CA10: variants seen among roughly 807,000 people sequenced by gnomAD.
CA10 encodes carbonic anhydrase 10 (inactive).
CA10 carries 14 observed loss-of-function variants against 44.2 expected under a neutral mutation model. The observed-to-expected ratio is 0.32, with a 90% CI of 0.21 to 0.50. The LOEUF (loss-of-function observed/expected upper bound fraction) is 0.50, where lower values mean the gene tolerates loss of function less well. Among genes scored for constraint, CA10 ranks in the 20% least tolerant of loss-of-function variants. The probability of loss-of-function intolerance (pLI) is 0.99; values close to 1 mark genes in which losing one functional copy is unlikely to be tolerated. For synonymous variants in CA10, 159 were observed against 141.6 expected (o/e 1.12, Z -0.87); for missense variants, 350 against 409.7 (o/e 0.85, Z 1.26).
At chr17:51,672,599 T>C (rs1914469111) in intron 4 of CA10, among the ~76,000 whole-genome samples, 1 of 152,156 alleles carries the variant, frequency 6.6e-6, no homozygotes, top group Non-Finnish European at 1.5e-5. Context: ...TCTAATAAGT[T>C]GAAGAGCTAG....
At chr17:52,092,475 C>T (rs946663644) in intron 1 of CA10, among the ~76,000 whole-genome samples, 3 of 152,086 alleles carry the variant, frequency 2.0e-5, no homozygotes, top group Non-Finnish European at 4.4e-5. Context: ...CCCGTGGACC[C>T]CGGAGTAACA....
chr17:51,720,875 T>C (rs1476283993), intron 4 of CA10, among the ~76,000 whole-genome samples: 2 of 152,198 alleles, frequency 1.3e-5, no homozygotes, highest in Non-Finnish European at 2.9e-5. Context: ...ATGTATACTT[T>C]AAAATTGCTA....
chr17:51,960,882 A>C (rs1023169773), intron 2 of CA10, among the ~76,000 whole-genome samples: 8 of 152,340 alleles, frequency 5.3e-5, no homozygotes, highest in Admixed American at 5.2e-4. Context: ...GCTAAGAGGT[A>C]GTCCTTGTTA....
intron 3 of CA10, among the ~76,000 whole-genome samples, chr17:51,927,264 G>T (rs1331882260): frequency 1.3e-5 from 2 of 152,098 alleles, no homozygotes; most frequent in Non-Finnish European, 2.9e-5. Context: ...ATAAGCAATT[G>T]TCATGTCCTT....
chr17:52,096,649 A>G (rs1020545827), intron 1 of CA10, among the ~76,000 whole-genome samples: 4 of 152,148 alleles, frequency 2.6e-5, no homozygotes, highest in African/African-American at 9.7e-5. Flanking sequence ...AGCCATTGAT[A>G]TTTTGCTAAA....
At chr17:51,714,245 G>T (rs1916028316) in intron 4 of CA10, among the ~76,000 whole-genome samples, 2 of 152,098 alleles carry the variant, frequency 1.3e-5, no homozygotes, top group Non-Finnish European at 2.9e-5. Flanking sequence ...AGTCTCATAG[G>T]GGAACAAGCA....
At chr17:51,633,434 G>A (rs1393176318) in intron 8 of CA10, 42 bp downstream of exon 8, 3 of 1,574,446 alleles carry the variant, frequency 1.9e-6, no homozygotes, top group African/African-American at 2.7e-5. Context: ...GAAAGACTGA[G>A]CTCTAGCCTA....
intron 1 of CA10, among the ~76,000 whole-genome samples, chr17:52,114,925 G>A (rs58456405): frequency 6.6e-6 from 1 of 152,090 alleles, no homozygotes; most frequent in African/African-American, 2.4e-5. Context: ...ATCCACTGGG[G>A]CCCCCTAATG....
At chr17:52,147,922 C>T (rs1989624379) in intron 1 of CA10, among the ~76,000 whole-genome samples, 1 of 151,886 alleles carries the variant, frequency 6.6e-6, no homozygotes, top group African/African-American at 2.4e-5. Context: ...AACAAATTAT[C>T]CAATTGACCA....
intron 3 of CA10, among the ~76,000 whole-genome samples, chr17:51,884,977 G>C (rs1396828147): frequency 6.6e-6 from 1 of 152,082 alleles, no homozygotes; most frequent in African/African-American, 2.4e-5. Flanking sequence ...ATTGAAATTA[G>C]TGCCCACCCT....
intron 1 of CA10, among the ~76,000 whole-genome samples, chr17:52,075,489 T>G (rs1049053177): frequency 1.3e-5 from 2 of 152,214 alleles, no homozygotes; most frequent in African/African-American, 2.4e-5. Flanking sequence ...TTGTAAGACA[T>G]GCTTTGTGTG....
chr17:51,851,877 C>A (rs1978811377), intron 3 of CA10, among the ~76,000 whole-genome samples: 1 of 152,252 alleles, frequency 6.6e-6, no homozygotes, highest in South Asian at 2.1e-4. Context: ...GTTTAGATTT[C>A]ACTGAACTTC....
At chr17:51,831,660 A>G (rs1383671626) in intron 3 of CA10, among the ~76,000 whole-genome samples, 2 of 113,424 alleles carry the variant, frequency 1.8e-5, no homozygotes, top group African/African-American at 8.3e-5. Flanking sequence ...TCCAAGGAGA[A>G]AAGAAAAAGC....
intron 2 of CA10, among the ~76,000 whole-genome samples, chr17:52,044,077 T>C (rs955489842): frequency 6.6e-6 from 1 of 152,086 alleles, no homozygotes; most frequent in African/African-American, 2.4e-5. Context: ...GTAAAATTAG[T>C]TTGGGAGAAT....
At chr17:51,671,232 C>A (rs915507336) in intron 4 of CA10, among the ~76,000 whole-genome samples, 25 of 152,040 alleles carry the variant, frequency 1.6e-4, no homozygotes, top group African/African-American at 6.0e-4. Flanking sequence ...TATCTCCTTC[C>A]CACCTTCAAG....
At chr17:51,796,800 A>G (rs1266763106) in intron 3 of CA10, among the ~76,000 whole-genome samples, 1 of 152,146 alleles carries the variant, frequency 6.6e-6, no homozygotes, top group African/African-American at 2.4e-5. Flanking sequence ...CCATGCAAGG[A>G]GCCCTCTACT....
chr17:51,789,468 A>G (rs1344301035), intron 3 of CA10, among the ~76,000 whole-genome samples: 1 of 152,216 alleles, frequency 6.6e-6, no homozygotes, highest in Non-Finnish European at 1.5e-5. Flanking sequence ...TTCCATCAAC[A>G]AATCCTGGCA....
intron 5 of CA10, among the ~76,000 whole-genome samples, chr17:51,651,311 A>G (rs1913555187): frequency 6.6e-6 from 1 of 152,184 alleles, no homozygotes; most frequent in South Asian, 2.1e-4. Flanking sequence ...GTAGTACCTC[A>G]TGCTCCATCA....
At chr17:51,869,006 G>A (rs1031380147) in intron 3 of CA10, among the ~76,000 whole-genome samples, 4 of 151,218 alleles carry the variant, frequency 2.6e-5, no homozygotes, top group Admixed American at 1.3e-4. Flanking sequence ...TGATGAAAAC[G>A]TATTACTTTA....
Sources: allele counts gnomAD v4.1 joint callset (sites outside exome capture counted in the v4.1 genomes callset), GRCh38; gene constraint gnomAD v4.1.1; transcripts MANE v1.5; gene names NCBI Gene and HGNC (gene_info 2026-07-23, HGNC 2026-07-21).